Variants in RBFOX1 observed in about 807,000 individuals in gnomAD.
RBFOX1 encodes the protein RNA binding protein fox-1 homolog 1.
RBFOX1 carries 8 observed loss-of-function variants against 57.7 expected under a neutral mutation model. The ratio of observed to expected loss-of-function variants is 0.14; its 90% CI spans 0.08 to 0.25. The LOEUF (loss-of-function observed/expected upper bound fraction) is 0.25, where lower values mean the gene tolerates loss of function less well. Ranked by LOEUF, RBFOX1 falls within the 10% of genes least tolerant of loss-of-function variation. RBFOX1 has a pLI of 1.00. For synonymous variants in RBFOX1, 326 were observed against 222.4 expected (o/e 1.47, Z -4.15); for missense variants, 611 against 548.5 (o/e 1.11, Z -1.14).
chr16:7,450,386 C>G (rs1248796373), intron 4 of RBFOX1, among the ~76,000 whole-genome samples: 11 of 71,520 alleles, frequency 1.5e-4, no homozygotes, highest in Non-Finnish European at 2.3e-4. Context: ...GAGCAAGACT[C>G]TGTCTCAAAA....
At chr16:7,306,198 G>C (rs1042783784) in intron 4 of RBFOX1, among the ~76,000 whole-genome samples, 2 of 152,032 alleles carry the variant, frequency 1.3e-5, no homozygotes, top group Non-Finnish European at 2.9e-5. Context: ...CCATGTTTCT[G>C]CCTTCTAGAT....
chr16:5,791,839 C>G (rs1181531366), intron 3 of RBFOX1, among the ~76,000 whole-genome samples: 1 of 152,174 alleles, frequency 6.6e-6, no homozygotes, highest in Non-Finnish European at 1.5e-5. Flanking sequence ...ACTTTGCTCT[C>G]TGGAAATAAA....
chr16:7,063,341 T>C (rs1481483582), intron 4 of RBFOX1, among the ~76,000 whole-genome samples: 1 of 152,074 alleles, frequency 6.6e-6, no homozygotes, highest in Non-Finnish European at 1.5e-5. Context: ...ATAAAGGATC[T>C]GTATCAGTAT....
At chr16:7,413,643 G>A (rs1026211517) in intron 4 of RBFOX1, among the ~76,000 whole-genome samples, 18 of 152,008 alleles carry the variant, frequency 1.2e-4, no homozygotes, top group African/African-American at 2.4e-4. Context: ...CCAGGCACTG[G>A]TTGCCTGTTT....
In RBFOX1 at chr16:6,108,794, C is replaced by A. The variant is rs572376583; in HGVS notation, c.-127+88802C>A. Among the ~76,000 whole-genome samples, 3 of 152,120 alleles carry A rather than the reference C, an allele frequency of 2.0e-5. No individual in the cohort carries two copies. The East Asian group carries it at 5.8e-4, about 29-fold the overall frequency. ...TTGTGGCCACATCCCTGACTCCTTC[C>A]AATCTATGTCCCCATCTTCACATCA... On this transcript the variant is annotated intron_variant, in intron 1 of 15. Coordinates refer to ENST00000550418, the MANE Select transcript of RBFOX1 (RefSeq NM_018723.4).
intron 1 of RBFOX1, among the ~76,000 whole-genome samples, chr16:6,161,001 G>C (rs1220550253): frequency 6.6e-6 from 1 of 152,144 alleles, no homozygotes; most frequent in African/African-American, 2.4e-5. Flanking sequence ...AATGGAATGC[G>C]AGCTCCATGA....
intron 1 of RBFOX1, among the ~76,000 whole-genome samples, chr16:6,311,723 G>A (rs910720025): frequency 2.6e-5 from 4 of 152,210 alleles, no homozygotes; most frequent in Non-Finnish European, 5.9e-5. Flanking sequence ...TGCAGTAGTG[G>A]TTACTGCTAA....
chr16:6,053,689 A>T (rs778199039), intron 1 of RBFOX1, among the ~76,000 whole-genome samples: 2 of 152,202 alleles, frequency 1.3e-5, no homozygotes, highest in Admixed American at 6.5e-5. Flanking sequence ...CCCTACGTAC[A>T]TAAGAGATCT....
chr16:7,361,236 CT>C (rs2097313739), intron 4 of RBFOX1, among the ~76,000 whole-genome samples: 2 of 152,126 alleles, frequency 1.3e-5, no homozygotes, highest in South Asian at 4.2e-4. Context: ...CTCTGAAGGC[CT>C]GTTTGTGTCA....
intron 3 of RBFOX1, among the ~76,000 whole-genome samples, chr16:6,957,985 C>G (rs779348746): frequency 1.3e-5 from 2 of 152,150 alleles, no homozygotes; most frequent in African/African-American, 4.8e-5. Flanking sequence ...ACAGGACCAG[C>G]TCCTGCATAG....
At chr16:6,600,567 C>T (rs1003137162) in intron 2 of RBFOX1, among the ~76,000 whole-genome samples, 1 of 152,176 alleles carries the variant, frequency 6.6e-6, no homozygotes, top group Non-Finnish European at 1.5e-5. Context: ...ATGTAATTTA[C>T]TACAAAAGAC....
intron 3 of RBFOX1, among the ~76,000 whole-genome samples, chr16:6,874,348 T>C (rs1361237728): frequency 6.6e-6 from 1 of 151,596 alleles, no homozygotes; most frequent in Non-Finnish European, 1.5e-5. Flanking sequence ...GCATCTCCAC[T>C]AAAAATACAA....
intron 3 of RBFOX1, among the ~76,000 whole-genome samples, chr16:5,660,547 C>T (rs537098035): frequency 1.2e-4 from 19 of 152,276 alleles, no homozygotes; most frequent in African/African-American, 4.6e-4. Context: ...AGGTGCTATT[C>T]TGATTGGGTG....
chr16:6,794,031 T>C (rs973795878), intron 3 of RBFOX1, among the ~76,000 whole-genome samples: 1 of 152,126 alleles, frequency 6.6e-6, no homozygotes, highest in African/African-American at 2.4e-5. Context: ...TGAAGCACGC[T>C]AGGGAATTTC....
chr16:7,255,875 A>G lies in RBFOX1; in HGVS notation c.27+203777A>G, dbSNP rs28616286. 7.9e-4 allele frequency among the ~76,000 whole-genome samples: 121 copies of G among 152,338 alleles called. 1 individual carries two copies. The East Asian group carries it at 9.1e-3, about 11-fold the overall frequency. On this transcript the variant is annotated intron_variant, in intron 4 of 15. Transcript: ENST00000550418. ...AGATCAGTCACATTTCATGTGTTCA[A>G]TAGCCACATATGGCTTTCCGTTACC...
intron 3 of RBFOX1, among the ~76,000 whole-genome samples, chr16:5,700,098 C>A (rs2050989830): frequency 6.6e-6 from 1 of 152,200 alleles, no homozygotes; most frequent in Non-Finnish European, 1.5e-5. Context: ...TCCCAAAGTG[C>A]TGGGATTACA....
At chr16:6,745,806 G>T (rs532381756) in intron 3 of RBFOX1, among the ~76,000 whole-genome samples, 40 of 152,124 alleles carry the variant, frequency 2.6e-4, no homozygotes, top group Non-Finnish European at 4.7e-4. Flanking sequence ...AGAAAAGGAG[G>T]TAAAAGGCAT....
intron 2 of RBFOX1, among the ~76,000 whole-genome samples, chr16:5,596,659 C>T (rs116616629): frequency 7.2e-5 from 11 of 152,156 alleles, no homozygotes; most frequent in Non-Finnish European, 1.2e-4. Context: ...TCTGCTATTG[C>T]GCTTAACTCG....
At chr16:6,999,012 G>A (rs1335175996) in intron 3 of RBFOX1, among the ~76,000 whole-genome samples, 6 of 151,414 alleles carry the variant, frequency 4.0e-5, no homozygotes, top group African/African-American at 1.5e-4. Context: ...GGAATTACAA[G>A]CATCCACTAC....
Sources: allele counts gnomAD v4.1 joint callset (sites outside exome capture counted in the v4.1 genomes callset), GRCh38; gene constraint gnomAD v4.1.1; transcripts MANE v1.5; gene names NCBI Gene and HGNC (gene_info 2026-07-23, HGNC 2026-07-21).